BANP: variants seen among roughly 807,000 people sequenced by gnomAD.
The protein encoded by BANP is BTG3 associated nuclear protein.
In BANP, 11 loss-of-function variants were observed where a neutral mutation model predicts 68.1. The ratio of observed to expected loss-of-function variants is 0.16; its 90% CI spans 0.10 to 0.27. The LOEUF is 0.27. Among genes scored for constraint, BANP ranks in the 10% least tolerant of loss-of-function variants. The pLI, the probability that BANP is intolerant of heterozygous loss-of-function variation, is 1.00. For synonymous variants in BANP, 329 were observed against 303.2 expected (o/e 1.09, Z -0.88); for missense variants, 504 against 722.7 (o/e 0.70, Z 3.47).
chr16:87,956,372 A>G (rs945603125), intron 1 of BANP, among the ~76,000 whole-genome samples: 1 of 152,210 alleles, frequency 6.6e-6, no homozygotes, highest in Non-Finnish European at 1.5e-5. Flanking sequence ...GTAGATAAAC[A>G]TCTGTATTTT....
chr16:88,010,662 G>A (rs563960816), intron 6 of BANP, among the ~76,000 whole-genome samples: 2 of 152,322 alleles, frequency 1.3e-5, no homozygotes, highest in African/African-American at 4.8e-5. Context: ...AATGTTAGCC[G>A]TGCACATGGA....
rs1030471378 is a variant in BANP, at chr16:88,027,472, T to C, written c.896-11T>C. On this transcript the variant is annotated splice_polypyrimidine_tract_variant and intron_variant, in intron 7 of 13. Transcript: ENST00000682872. ...AGGCCTCACCGCTTCTCCTTGGATG[T>C]GTCCTTCCAGGTCACCTTTTCTATA... 3.1e-6 allele frequency: 5 copies of C among 1,613,020 alleles called. No homozygotes were observed. The African/African-American group carries it at 6.7e-5, about 22-fold the overall frequency.
chr16:88,022,398 C>T (rs1267140601), intron 7 of BANP, among the ~76,000 whole-genome samples: 3 of 152,184 alleles, frequency 2.0e-5, no homozygotes, highest in Non-Finnish European at 4.4e-5. Context: ...GACCTCCTAG[C>T]AGTTACGGAA....
chr16:88,030,354 A>C (rs2077897438), intron 8 of BANP, among the ~76,000 whole-genome samples: 1 of 152,240 alleles, frequency 6.6e-6, no homozygotes, highest in African/African-American at 2.4e-5. Context: ...TAGCAAGGAG[A>C]GAAATAGAAG....
chr16:87,967,738 C>T (rs576488111), intron 1 of BANP, among the ~76,000 whole-genome samples: 2 of 152,026 alleles, frequency 1.3e-5, no homozygotes, highest in African/African-American at 4.8e-5. Context: ...TCTGCTGCCT[C>T]AGCCTCCCGA....
intron 5 of BANP, among the ~76,000 whole-genome samples, chr16:88,005,865 C>A (rs1490399886): frequency 6.6e-6 from 1 of 152,230 alleles, no homozygotes; most frequent in African/African-American, 2.4e-5. Context: ...GTGATACAAA[C>A]ATTTTCTTTA....
chr16:88,059,264 G>A (rs1188608963), intron 11 of BANP, among the ~76,000 whole-genome samples: 25 of 148,958 alleles, frequency 1.7e-4, no homozygotes, highest in Non-Finnish European at 4.5e-5. Context: ...TGGGGCGGGC[G>A]GAGGTGTGTG....
intron 2 of BANP, among the ~76,000 whole-genome samples, chr16:87,975,570 C>T (rs2061891095): frequency 6.9e-6 from 1 of 144,506 alleles, no homozygotes; most frequent in East Asian, 2.0e-4. Flanking sequence ...TGTGTGTAAT[C>T]CCATGTGCGG....
chr16:88,069,660 G>A (rs902738437), intron 12 of BANP, among the ~76,000 whole-genome samples: 26 of 152,186 alleles, frequency 1.7e-4, no homozygotes, highest in African/African-American at 6.3e-4. Context: ...TTCCTCATCT[G>A]TAAATGGCAC....
In BANP at chr16:88,077,030, G is replaced by A. The variant is rs764630349; in HGVS notation, c.*369G>A. The A allele has an allele frequency of 9.0e-6, 2 of 223,246 alleles. No individual in the cohort carries two copies. The highest frequency in any genetic ancestry group is 6.1e-5 in the South Asian group (1 of 16,406). The allele number at this position is 223,246 out of a possible 1,614,324, so 13.8% of individuals were successfully genotyped here. A position where few individuals can be genotyped will look rare whatever the true frequency, so the allele number is the denominator to read the frequency against. On this transcript the variant is annotated 3_prime_UTR_variant, in exon 14 of 14. Coordinates refer to ENST00000682872, the MANE Select transcript of BANP (RefSeq NM_001386991.1). ...AAATTTGAAAAAAAAAATCCCAGGG[G>A]AGTAGCAGGAGCCCTTTGCTGTGTG...
At chr16:88,019,499 G>A (rs1289737692) in intron 7 of BANP, among the ~76,000 whole-genome samples, 1 of 149,132 alleles carries the variant, frequency 6.7e-6, no homozygotes, top group Non-Finnish European at 1.5e-5. Flanking sequence ...GAAACAGGGC[G>A]AGCGAGGCAG....
intron 10 of BANP, 79 bp downstream of exon 10, chr16:88,035,473 C>T (rs1471366288): frequency 2.3e-5 from 31 of 1,362,242 alleles, no homozygotes; most frequent in Non-Finnish European, 3.0e-5. Flanking sequence ...TGTCACAGTG[C>T]GAGGGCAGCA....
intron 1 of BANP, among the ~76,000 whole-genome samples, chr16:87,963,015 G>C (rs1474730708): frequency 6.6e-6 from 1 of 152,134 alleles, no homozygotes; most frequent in Non-Finnish European, 1.5e-5. Flanking sequence ...TTTCTTAGCA[G>C]TTTCCTCGTT....
chr16:87,966,603 G>T (rs905250654), intron 1 of BANP: 4 of 152,206 alleles, frequency 2.6e-5, no homozygotes, highest in African/African-American at 9.6e-5. Context: ...TTTGGAAGAG[G>T]TTAGGATTCA....
chr16:87,985,265 C>T (rs1428354825), intron 4 of BANP, among the ~76,000 whole-genome samples: 1 of 152,204 alleles, frequency 6.6e-6, no homozygotes, highest in Admixed American at 6.5e-5. Context: ...CTTTTGGAAA[C>T]GCTACCCGGC....
At chr16:87,994,579 A>G (rs2066705032) in intron 4 of BANP, among the ~76,000 whole-genome samples, 1 of 152,230 alleles carries the variant, frequency 6.6e-6, no homozygotes, top group Non-Finnish European at 1.5e-5. Context: ...ATTAGGAAGA[A>G]CATTTTAATG....
chr16:88,063,765 A>G (rs2087611257), intron 11 of BANP, among the ~76,000 whole-genome samples: 1 of 152,106 alleles, frequency 6.6e-6, no homozygotes, highest in South Asian at 2.1e-4. Context: ...CAGTGACAAG[A>G]CTTCTCACAT....
intron 2 of BANP, among the ~76,000 whole-genome samples, chr16:87,976,760 T>A (rs1169534801): frequency 6.6e-6 from 1 of 152,166 alleles, no homozygotes; most frequent in East Asian, 1.9e-4. Flanking sequence ...TAGAAATAGT[T>A]TTGGGGTGAG....
chr16:88,015,129 CTCTGCCTGTGCT>C (rs1351981694), intron 6 of BANP, among the ~76,000 whole-genome samples: 3 of 59,552 alleles, frequency 5.0e-5, no homozygotes, highest in African/African-American at 1.5e-4. Flanking sequence ...CTGCCTGTCC[CTCTGCCTGTGCT>C]CCCTTAGCTC....
Sources: allele counts gnomAD v4.1 joint callset (sites outside exome capture counted in the v4.1 genomes callset), GRCh38; gene constraint gnomAD v4.1.1; transcripts MANE v1.5; gene names NCBI Gene and HGNC (gene_info 2026-07-23, HGNC 2026-07-21).